The following SDK1 variants were observed in gnomAD, a reference collection of about 807,000 sequenced individuals.
SDK1 encodes protein sidekick-1.
SDK1 carries 157 observed loss-of-function variants against 245.5 expected under a neutral mutation model. The ratio of observed to expected loss-of-function variants is 0.64; its 90% CI spans 0.56 to 0.73. The LOEUF is 0.73. SDK1 is among the 30% of genes least tolerant of loss of function. The probability of loss-of-function intolerance (pLI) is 0.00; values close to 1 mark genes in which losing one functional copy is unlikely to be tolerated. For synonymous variants in SDK1, 1,647 were observed against 1,278.5 expected (o/e 1.29, Z -6.15); for missense variants, 3,583 against 3,002.3 (o/e 1.19, Z -4.52).
At chr7:4,205,246 C>T (rs768788985) in intron 35 of SDK1, among the ~76,000 whole-genome samples, 8 of 152,152 alleles carry the variant, frequency 5.3e-5, no homozygotes, top group Admixed American at 2.0e-4. Flanking sequence ...TGTATCTGGA[C>T]GAACTTCATC....
intron 4 of SDK1, among the ~76,000 whole-genome samples, chr7:3,739,586 TTTG>T (rs1266692512): frequency 6.6e-6 from 1 of 152,246 alleles, no homozygotes; most frequent in African/African-American, 2.4e-5. Context: ...AGTGAATTTA[TTTG>T]TTATTTTACC....
intron 4 of SDK1, among the ~76,000 whole-genome samples, chr7:3,821,212 C>T (rs1180864960): frequency 2.6e-5 from 4 of 152,102 alleles, no homozygotes; most frequent in Admixed American, 6.5e-5. Flanking sequence ...CAGGTGCTGG[C>T]GCAGATGTGG....
intron 5 of SDK1, among the ~76,000 whole-genome samples, chr7:3,915,213 C>G (rs1039594712): frequency 2.6e-5 from 4 of 152,184 alleles, no homozygotes; most frequent in African/African-American, 4.8e-5. Context: ...TGGCTTCTGC[C>G]CCATTCTCTC....
rs80304100 is a variant in SDK1, at chr7:4,024,626, C to T, written c.2602+7274C>T. On this transcript the variant is annotated intron_variant, in intron 17 of 44. Coordinates refer to ENST00000404826, the MANE Select transcript of SDK1 (RefSeq NM_152744.4). Reference sequence around the variant, plus strand: ...CCACGTCCTTACATTCACTGTCTTACTCCATTCATCCCTGGGGGTCACATA... The same window carrying T: ...CCACGTCCTTACATTCACTGTCTTATTCCATTCATCCCTGGGGGTCACATA... Among the ~76,000 whole-genome samples, 652 of 152,296 alleles carry T rather than the reference C, an allele frequency of 4.3e-3. 5 individuals carry two copies. Among genetic ancestry groups the T allele is most frequent in the African/African-American group, 0.015 (627 of 41,570 alleles).
chr7:3,366,579 C>T (rs911372376), intron 1 of SDK1, among the ~76,000 whole-genome samples: 1 of 151,988 alleles, frequency 6.6e-6, no homozygotes, highest in African/African-American at 2.4e-5. Context: ...CAGATTTTTG[C>T]CAGATAGGTG....
intron 4 of SDK1, among the ~76,000 whole-genome samples, chr7:3,698,732 G>A (rs958365698): frequency 1.3e-5 from 2 of 152,154 alleles, no homozygotes; most frequent in Non-Finnish European, 2.9e-5. Flanking sequence ...TTCTCGCTGT[G>A]TCCTCACATG....
chr7:3,364,643 C>T (rs983847069), intron 1 of SDK1, among the ~76,000 whole-genome samples: 3 of 152,072 alleles, frequency 2.0e-5, no homozygotes, highest in African/African-American at 7.2e-5. Flanking sequence ...CTGTGTATGT[C>T]CCCCAGCTGA....
intron 5 of SDK1, among the ~76,000 whole-genome samples, chr7:3,825,318 TAAAA>T (rs763807672): frequency 4.2e-5 from 3 of 71,370 alleles, no homozygotes; most frequent in South Asian, 5.2e-4. Context: ...TTTCTTCCTC[TAAAA>T]AAAAAAAAAA....
chr7:3,345,706 G>A (rs975705477), intron 1 of SDK1, among the ~76,000 whole-genome samples: 1 of 152,156 alleles, frequency 6.6e-6, no homozygotes, highest in African/African-American at 2.4e-5. Context: ...TTTCCCAGGC[G>A]ATGCCTTGCC....
At chr7:3,496,013 G>T (rs1054963465) in intron 1 of SDK1, among the ~76,000 whole-genome samples, 1 of 152,156 alleles carries the variant, frequency 6.6e-6, no homozygotes, top group African/African-American at 2.4e-5. Flanking sequence ...CATTAAATAA[G>T]ATCTTAATTG....
At chr7:4,135,398 C>T (rs370700165) in intron 28 of SDK1, among the ~76,000 whole-genome samples, 21 of 152,184 alleles carry the variant, frequency 1.4e-4, no homozygotes, top group East Asian at 1.3e-3. Context: ...TCCAGGCCTT[C>T]GCCCTAGAGA....
chr7:3,376,794 C>G (rs1781366921), intron 1 of SDK1, among the ~76,000 whole-genome samples: 1 of 151,808 alleles, frequency 6.6e-6, no homozygotes, highest in Non-Finnish European at 1.5e-5. Flanking sequence ...GATGTGTATA[C>G]TGTTAAAAAA....
chr7:4,194,752 G>T (rs935031644), intron 35 of SDK1, among the ~76,000 whole-genome samples: 17 of 152,114 alleles, frequency 1.1e-4, no homozygotes, highest in Non-Finnish European at 1.9e-4. Flanking sequence ...TTAAGGGTGG[G>T]TCTGCTTTTC....
At chr7:3,930,116 G>A (rs1306844905) in intron 5 of SDK1, among the ~76,000 whole-genome samples, 5 of 152,194 alleles carry the variant, frequency 3.3e-5, no homozygotes, top group Admixed American at 2.0e-4. Context: ...CAGGCAGCTC[G>A]TTAACATTTA....
intron 1 of SDK1, among the ~76,000 whole-genome samples, chr7:3,485,737 A>AT: frequency 9.5e-6 from 1 of 104,940 alleles, no homozygotes; most frequent in Admixed American, 1.3e-4. Flanking sequence ...CTCTCTGGTA[A>AT]TTTTTAAACT....
intron 32 of SDK1, among the ~76,000 whole-genome samples, chr7:4,168,852 C>T (rs1184127028): frequency 1.3e-5 from 2 of 152,140 alleles, no homozygotes; most frequent in African/African-American, 2.4e-5. Context: ...ATAGTCAGTC[C>T]AGAGCCCAGA....
intron 1 of SDK1, among the ~76,000 whole-genome samples, chr7:3,352,633 G>A (rs1780689964): frequency 6.6e-6 from 1 of 152,186 alleles, no homozygotes; most frequent in Admixed American, 6.5e-5. Flanking sequence ...GAATAACAGA[G>A]CCACTCATGG....
chr7:3,372,652 T>G (rs1387424872), intron 1 of SDK1, among the ~76,000 whole-genome samples: 1 of 152,148 alleles, frequency 6.6e-6, no homozygotes, highest in Non-Finnish European at 1.5e-5. Context: ...GATTGTTGTG[T>G]GAGATGGTCA....
At chr7:3,983,641 G>C (rs1652603733) in intron 13 of SDK1, among the ~76,000 whole-genome samples, 1 of 152,188 alleles carries the variant, frequency 6.6e-6, no homozygotes, top group Admixed American at 6.5e-5. Flanking sequence ...GTGGTGGTCG[G>C]GAACTGAACG....
Sources: allele counts gnomAD v4.1 joint callset (sites outside exome capture counted in the v4.1 genomes callset), GRCh38; gene constraint gnomAD v4.1.1; transcripts MANE v1.5; gene names NCBI Gene and HGNC (gene_info 2026-07-23, HGNC 2026-07-21).